ROR1: variants seen among roughly 807,000 people sequenced by gnomAD.
ROR1 encodes the protein inactive tyrosine-protein kinase transmembrane receptor ROR1.
In ROR1, 19 loss-of-function variants were observed where a neutral mutation model predicts 78.8. The observed-to-expected ratio is 0.24, with a 90% CI of 0.17 to 0.35. The LOEUF (loss-of-function observed/expected upper bound fraction) is 0.35, where lower values mean the gene tolerates loss of function less well. ROR1 is among the 10% of genes least tolerant of loss of function. The pLI, the probability that ROR1 is intolerant of heterozygous loss-of-function variation, is 1.00. For missense variants in ROR1, 917 were observed against 1,177.8 expected, an observed-to-expected ratio of 0.78 and a Z score of 3.24; for synonymous variants, 386 against 433.6, an observed-to-expected ratio of 0.89 and a Z score of 1.36.
intron 4 of ROR1, among the ~76,000 whole-genome samples, chr1:64,123,971 A>G (rs866156489): frequency 2.6e-5 from 4 of 152,204 alleles, no homozygotes; most frequent in South Asian, 2.1e-4. Flanking sequence ...TAAGTTGAAT[A>G]TAATGGTAAC....
chr1:64,106,642 A>G (rs953178334), intron 4 of ROR1: 4 of 152,076 alleles, frequency 2.6e-5, no homozygotes, highest in Non-Finnish European at 2.9e-5. Flanking sequence ...ATCAATATCT[A>G]GTTTATTGAG....
At chr1:63,795,160 G>T (rs1000768061) in intron 1 of ROR1, among the ~76,000 whole-genome samples, 1 of 152,066 alleles carries the variant, frequency 6.6e-6, no homozygotes, top group African/African-American at 2.4e-5. Flanking sequence ...TGCTCCAGAG[G>T]GCTGATGGAT....
At chr1:63,855,935 G>A (rs1645145860) in intron 1 of ROR1, among the ~76,000 whole-genome samples, 1 of 152,046 alleles carries the variant, frequency 6.6e-6, no homozygotes, top group African/African-American at 2.4e-5. Context: ...GGGATTACAG[G>A]TGTGAGCTAC....
intron 1 of ROR1, among the ~76,000 whole-genome samples, chr1:63,956,776 A>G (rs1465289051): frequency 1.3e-5 from 2 of 152,218 alleles, no homozygotes. Flanking sequence ...ACTGAAGAGT[A>G]TAAAGAAATA....
At chr1:63,941,130 C>T (rs912687671) in intron 1 of ROR1, among the ~76,000 whole-genome samples, 1 of 152,106 alleles carries the variant, frequency 6.6e-6, no homozygotes, top group Non-Finnish European at 1.5e-5. Flanking sequence ...TAACCCTGGA[C>T]TGGGTTTTGT....
At chr1:64,080,505 G>C (rs572337573) in intron 4 of ROR1, among the ~76,000 whole-genome samples, 135 of 152,318 alleles carry the variant, frequency 8.9e-4, no homozygotes, top group African/African-American at 3.1e-3. Flanking sequence ...GAACTGTTGT[G>C]TGGTTGAATA....
rs1316582696 is a variant in ROR1 at position 64,049,784 on chromosome 1, C to T, written c.257C>T (p.Pro86Leu). The T allele has an allele frequency of 6.2e-7, 1 of 1,614,084 alleles. No individual in the cohort carries two copies. Among genetic ancestry groups the T allele is most frequent in the African/African-American group, 1.3e-5 (1 of 74,930 alleles). Residue 86 changes from proline to leucine, a missense_variant, in exon 3 of 9, where the codon CCT becomes CTT. Around this residue, in one of 3 missense-constraint regions of ROR1, gnomAD observed 19 missense variants for 50.9 expected, o/e 0.37. Transcript: ENST00000371079. ...CACTGCAAAGTCTCTGGGAATCCACCTCCCACCATCCGCTGGTTCAAAAAT... is the reference window on the plus strand; with the variant it reads ...CACTGCAAAGTCTCTGGGAATCCACTTCCCACCATCCGCTGGTTCAAAAAT... Reference protein sequence around the residue: ...ELHCKVSGNPPPTIRWFKNDA... With the variant: ...ELHCKVSGNPLPTIRWFKNDA...
In ROR1 at chr1:63,803,751, T is replaced by G. The variant is rs541402738; in HGVS notation, c.91+29243T>G. Among the ~76,000 whole-genome samples, 304 of 152,364 alleles carry G rather than the reference T, an allele frequency of 2.0e-3. 2 individuals are homozygous for G. The highest frequency in any genetic ancestry group is 7.0e-3 in the African/African-American group (290 of 41,590). On this transcript the variant is annotated intron_variant, in intron 1 of 8. Transcript: ENST00000371079. ...GTCCACATAAAAGCCTTTACAGGATTGTTCATGGCAGCCTTGCTTGTAATA... is the reference window on the plus strand; with the variant it reads ...GTCCACATAAAAGCCTTTACAGGATGGTTCATGGCAGCCTTGCTTGTAATA...
At chr1:63,810,507 T>A (rs1044346558) in intron 1 of ROR1, among the ~76,000 whole-genome samples, 2 of 152,228 alleles carry the variant, frequency 1.3e-5, no homozygotes, top group African/African-American at 4.8e-5. Context: ...ACATGTAATC[T>A]AAATAATGTA....
intron 1 of ROR1, among the ~76,000 whole-genome samples, chr1:63,938,368 A>G (rs1645809961): frequency 1.3e-5 from 2 of 152,150 alleles, no homozygotes; most frequent in Admixed American, 1.3e-4. Context: ...TTGGTATCTG[A>G]GGGGATCCTG....
intron 1 of ROR1, among the ~76,000 whole-genome samples, chr1:63,826,726 A>G (rs1272161093): frequency 1.3e-5 from 2 of 151,880 alleles, no homozygotes; most frequent in Non-Finnish European, 2.9e-5. Context: ...CATTGTGGAG[A>G]AAAAGGAATG....
intron 1 of ROR1, among the ~76,000 whole-genome samples, chr1:63,906,054 T>C (rs1645525675): frequency 6.6e-6 from 1 of 152,220 alleles, no homozygotes; most frequent in Non-Finnish European, 1.5e-5. Flanking sequence ...CCTATAGACA[T>C]TTTATAAGCA....
chr1:64,177,393 T>A (rs776279520), intron 8 of ROR1, 35 bp from the exon 9 acceptor site: 1 of 1,521,352 alleles, frequency 6.6e-7, no homozygotes, highest in East Asian at 2.3e-5. Flanking sequence ...CCTGAAGATA[T>A]GTTTTAAACC....
At chr1:63,926,290 GT>G (rs1367949148) in intron 1 of ROR1, among the ~76,000 whole-genome samples, 1 of 141,268 alleles carries the variant, frequency 7.1e-6, no homozygotes, top group Non-Finnish European at 1.6e-5. Context: ...CCCATTGCTT[GT>G]TTTTCTCAGG....
intron 7 of ROR1, among the ~76,000 whole-genome samples, chr1:64,155,219 C>T (rs544534203): frequency 6.6e-6 from 1 of 152,112 alleles, no homozygotes; most frequent in East Asian, 1.9e-4. Flanking sequence ...TACAAATGCT[C>T]GGACTTCAAA....
At chr1:64,130,862 T>G (rs1161721084) in intron 4 of ROR1, among the ~76,000 whole-genome samples, 1 of 152,148 alleles carries the variant, frequency 6.6e-6, no homozygotes, top group Non-Finnish European at 1.5e-5. Context: ...TGTTTGCCCC[T>G]CCCAAGGGAG....
chr1:63,804,936 T>G (rs561620375), intron 1 of ROR1, among the ~76,000 whole-genome samples: 1 of 152,340 alleles, frequency 6.6e-6, no homozygotes, highest in Non-Finnish European at 1.5e-5. Flanking sequence ...CCTGAGATCT[T>G]GTCACTTGCT....
intron 4 of ROR1, chr1:64,113,794 A>T (rs946038568): frequency 7.6e-5 from 8 of 105,032 alleles, no homozygotes; most frequent in Non-Finnish European, 1.2e-4. Flanking sequence ...GTTTCGTCCT[A>T]AAAAAAAAAA....
At chr1:64,102,002 A>G (rs1320859353) in intron 4 of ROR1, among the ~76,000 whole-genome samples, 1 of 152,210 alleles carries the variant, frequency 6.6e-6, no homozygotes, top group East Asian at 1.9e-4. Context: ...GTTATTGGTC[A>G]AACATTAAGA....
Sources: gnomAD v4.1 joint callset for allele counts (sites outside exome capture counted in the v4.1 genomes callset) on GRCh38, gnomAD v4.1.1 for gene constraint, gnomAD v4.1.1 regional missense constraint, MANE v1.5 for transcripts, NCBI Gene and HGNC (gene_info 2026-07-23, HGNC 2026-07-21) for gene names.